The following USP5 variants were observed in gnomAD, a reference collection of about 807,000 sequenced individuals.
USP5 encodes ubiquitin carboxyl-terminal hydrolase 5.
Under a neutral mutation model 102.5 loss-of-function variants are expected in USP5, and 24 were observed. That is an observed-to-expected ratio of 0.23 (90% CI 0.17 to 0.33). The LOEUF (loss-of-function observed/expected upper bound fraction) is 0.33. USP5 is among the 10% of genes least tolerant of loss of function. The pLI is 1.00. For missense variants in USP5, 753 were observed against 1,122.1 expected (o/e 0.67, Z 4.70); for synonymous variants, 460 against 434.8 (o/e 1.06, Z -0.72).
Position 6,856,251 on chromosome 12 carries a change from G to A in USP5, c.439-54G>A, listed in dbSNP as rs782606734. 17 of 1,603,560 alleles carry A rather than the reference G, an allele frequency of 1.1e-5. No homozygotes were observed. The East Asian group carries it at 3.4e-4, about 32-fold the overall frequency. ...ACAAAGCTGAAGGCCAAGGGGAAGA[G>A]GGGCATGTGGGGCAGGGGGTTGGGT... On this transcript the variant is annotated intron_variant, in intron 4 of 19. Coordinates refer to ENST00000229268, the MANE Select transcript of USP5 (RefSeq NM_001098536.2). The surrounding 1 kb of genome is among the most constrained non-coding windows in gnomAD (Gnocchi z 5.6).
Position 6,861,158 on chromosome 12 carries a change from G to A in USP5, c.1498+52G>A, listed in dbSNP as rs782436984. 4 of 1,602,874 alleles carry A rather than the reference G, an allele frequency of 2.5e-6. No individual in the cohort carries two copies. In the South Asian group the frequency reaches 4.4e-5, roughly 18 times the overall value. ...GGCACGGTGGGAGGCTAAGGTCTAGGAGGAATGCTTGGGCACCTCATGGGA... is the reference window on the plus strand; with the variant it reads ...GGCACGGTGGGAGGCTAAGGTCTAGAAGGAATGCTTGGGCACCTCATGGGA... On this transcript the variant is annotated intron_variant, in intron 12 of 19. Coordinates refer to ENST00000229268, the MANE Select transcript of USP5 (RefSeq NM_001098536.2). The surrounding 1 kb of genome is among the most constrained non-coding windows in gnomAD (Gnocchi z 4.9).
rs1591608529 is a variant in USP5 at position 6,860,565 on chromosome 12, C to CT, written c.1344+75dup. The CT allele has an allele frequency of 3.8e-6, 6 of 1,596,980 alleles. No homozygotes were observed. The highest frequency in any genetic ancestry group is 5.1e-6 in the Non-Finnish European group (6 of 1,175,578). ...CTCTCCTTCCTGCCCATTTCTCCCT[C>CT]TATCAGCCCCAACCCAGTCCCATCC... On this transcript the variant is annotated intron_variant, in intron 11 of 19. Transcript: ENST00000229268. This position sits in a 1 kb window ranked among gnomAD's most constrained non-coding sequence, Gnocchi z 5.5.
intron 1 of USP5, 65 bp downstream of exon 1, chr12:6,852,355 G>T: frequency 6.7e-7 from 1 of 1,500,560 alleles, no homozygotes; most frequent in Non-Finnish European, 9.1e-7. Context: ...CATTCCGCTG[G>T]GGCCTGCAAG....
Position 6,864,224 on chromosome 12 carries a change from G to T in USP5, c.2244+29G>T. On this transcript the variant is annotated intron_variant, in intron 17 of 19. Coordinates refer to ENST00000229268, the MANE Select transcript of USP5 (RefSeq NM_001098536.2). The surrounding 1 kb of genome is among the most constrained non-coding windows in gnomAD (Gnocchi z 4.8). ...TGGGCTGCCCCAGCTAAGGACATGG[G>T]GCCAGTGGGGAAGAAGGGGGTGGGA... The T allele has an allele frequency of 6.4e-7, 1 of 1,560,498 alleles. No homozygotes were observed. The highest frequency in any genetic ancestry group is 8.7e-7 in the Non-Finnish European group (1 of 1,152,104).
In USP5 at chr12:6,855,510, G is replaced by A. The variant is rs782807103; in HGVS notation, c.221G>A (p.Arg74Gln). 13 of 1,614,004 alleles carry A rather than the reference G, an allele frequency of 8.1e-6. No homozygotes were observed. Among genetic ancestry groups the A allele is most frequent in the African/African-American group, 2.7e-5 (2 of 74,930 alleles). ...GGCCAGCGAGTCTACTTGCACCTCC[G>A]GCGGACCCGGCGCCCGGTAGGAGCA... ...KTGQRVYLHL[R>Q]RTRRPKEEDP... The change falls in exon 2 of 20, where the codon CGG (arginine) becomes CAG (glutamine). Residue 74 changes from arginine to glutamine, a missense_variant. This residue lies in a region of USP5 where 527 missense variants were observed against 816.5 expected (regional missense o/e 0.65). Transcript: ENST00000229268. This position sits in a 1 kb window ranked among gnomAD's most constrained non-coding sequence, Gnocchi z 4.6.
At position 6,863,789 on chromosome 12, in the gene USP5, G is replaced by A. The variant is rs1555130076; in HGVS notation, c.1955-41G>A. The A allele has an allele frequency of 6.6e-7, 1 of 1,523,032 alleles. No homozygotes were observed. 94.3% of individuals were successfully genotyped at this position (1,523,032 alleles called of 1,614,324 possible). ...GGGGAGGGAGGAGGAGCAAACAGTG[G>A]CCCAATCAGTCGGTCCGTGTACCCA... is the stretch of plus-strand genomic sequence containing the variant. On this transcript the variant is annotated intron_variant, in intron 15 of 19. Coordinates refer to ENST00000229268, the MANE Select transcript of USP5 (RefSeq NM_001098536.2). The surrounding 1 kb of genome is among the most constrained non-coding windows in gnomAD (Gnocchi z 4.7).
chr12:6,864,988 C>T lies in USP5; in HGVS notation c.2398+113C>T. On this transcript the variant is annotated intron_variant, in intron 18 of 19. Coordinates refer to ENST00000229268, the MANE Select transcript of USP5 (RefSeq NM_001098536.2). This position sits in a 1 kb window ranked among gnomAD's most constrained non-coding sequence, Gnocchi z 4.8. ...TCAGGAGTCAGGGGCTTCTTTCCAC[C>T]TCAACGTGGCATCTGAGGGTGGGGT... The T allele has an allele frequency of 6.9e-7, 1 of 1,443,638 alleles. No homozygotes were observed. Among genetic ancestry groups the T allele is most frequent in the Non-Finnish European group, 9.3e-7 (1 of 1,073,890 alleles). The allele number at this position is 1,443,638 out of a possible 1,614,324, so 89.4% of individuals were successfully genotyped here. A position where few individuals can be genotyped will look rare whatever the true frequency, so the allele number is the denominator to read the frequency against.
Position 6,863,725 on chromosome 12 carries a change from A to C in USP5, c.1955-105A>C, listed in dbSNP as rs1418261189. On this transcript the variant is annotated intron_variant, in intron 15 of 19. Coordinates refer to ENST00000229268, the MANE Select transcript of USP5 (RefSeq NM_001098536.2). The surrounding 1 kb of genome is among the most constrained non-coding windows in gnomAD (Gnocchi z 4.7). ...ATAAGGTGCCAATCCATGGGAGAAA[A>C]ATGCATGGAATGGGTGATTGGAAGA... 6.9e-7 allele frequency: 1 copy of C among 1,449,956 alleles called. No individual in the cohort carries two copies. 89.8% of individuals were successfully genotyped at this position (1,449,956 alleles called of 1,614,324 possible). A position where few individuals can be genotyped will look rare whatever the true frequency, so the allele number is the denominator to read the frequency against.
Position 6,865,158 on chromosome 12 carries a change from T to G in USP5, c.2399-6T>G, listed in dbSNP as rs1555130535. The G allele has an allele frequency of 6.2e-7, 1 of 1,611,320 alleles. No homozygotes were observed. The highest frequency in any genetic ancestry group is 1.3e-5 in the African/African-American group (1 of 74,876). Reference sequence around the variant, plus strand: ...TCCTTCTCTGACCCCCTCTCTCCTTTCCTAGAGTATCAGCTCTTTGCCTTC... The same window carrying G: ...TCCTTCTCTGACCCCCTCTCTCCTTGCCTAGAGTATCAGCTCTTTGCCTTC... On this transcript the variant is annotated splice_region_variant and splice_polypyrimidine_tract_variant and intron_variant, in intron 18 of 19. Transcript: ENST00000229268.
Position 6,864,603 on chromosome 12 carries a change from G to C in USP5, c.2245-119G>C. 3 of 1,141,046 alleles carry C rather than the reference G, an allele frequency of 2.6e-6. No homozygotes were observed. The highest frequency in any genetic ancestry group is 3.7e-6 in the Non-Finnish European group (3 of 810,188). The allele number at this position is 1,141,046 out of a possible 1,614,324, so 70.7% of individuals were successfully genotyped here. On this transcript the variant is annotated intron_variant, in intron 17 of 19. Coordinates refer to ENST00000229268, the MANE Select transcript of USP5 (RefSeq NM_001098536.2). The surrounding 1 kb of genome is among the most constrained non-coding windows in gnomAD (Gnocchi z 4.8). ...ACTTGGGAGGCTGAGGCAGGAGAAAGGCGTGAACCCGGGAGGCGGAGCTTG... is the reference window on the plus strand; with the variant it reads ...ACTTGGGAGGCTGAGGCAGGAGAAACGCGTGAACCCGGGAGGCGGAGCTTG...
Position 6,856,251 on chromosome 12 carries a change from G to C in USP5, c.439-54G>C. On this transcript the variant is annotated intron_variant, in intron 4 of 19. Coordinates refer to ENST00000229268, the MANE Select transcript of USP5 (RefSeq NM_001098536.2). The surrounding 1 kb of genome is among the most constrained non-coding windows in gnomAD (Gnocchi z 5.6). ...ACAAAGCTGAAGGCCAAGGGGAAGA[G>C]GGGCATGTGGGGCAGGGGGTTGGGT... The C allele has an allele frequency of 1.2e-6, 2 of 1,603,560 alleles. No individual in the cohort carries two copies. Among genetic ancestry groups the C allele is most frequent in the Non-Finnish European group, 1.7e-6 (2 of 1,173,568 alleles).
Position 6,856,499 on chromosome 12 carries a change from A to G in USP5, c.584+49A>G. On this transcript the variant is annotated intron_variant, in intron 5 of 19. Coordinates refer to ENST00000229268, the MANE Select transcript of USP5 (RefSeq NM_001098536.2). This position sits in a 1 kb window ranked among gnomAD's most constrained non-coding sequence, Gnocchi z 5.6. Reference sequence around the variant, plus strand: ...GGGCACCACCCCCAGAGCAAGGACAAGGAGCCCACTTTTCTGGGGGATCTG... The same window carrying G: ...GGGCACCACCCCCAGAGCAAGGACAGGGAGCCCACTTTTCTGGGGGATCTG... 1 of 1,571,726 alleles carries G rather than the reference A, an allele frequency of 6.4e-7. No homozygotes were observed. Among genetic ancestry groups the G allele is most frequent in the Non-Finnish European group, 8.6e-7 (1 of 1,159,150 alleles).
chr12:6,856,211 C>T lies in USP5; in HGVS notation c.438+61C>T, dbSNP rs1267328512. The T allele has an allele frequency of 1.2e-6, 2 of 1,609,104 alleles. No homozygotes were observed. Among genetic ancestry groups the T allele is most frequent in the Admixed American group, 3.3e-5 (2 of 59,858 alleles). On this transcript the variant is annotated intron_variant, in intron 4 of 19. Transcript: ENST00000229268. The surrounding 1 kb of genome is among the most constrained non-coding windows in gnomAD (Gnocchi z 5.6). The stretch of plus-strand genomic sequence containing the variant: ...GCAAGATGGGCCAGGGTAGTGGTGT[C>T]TTAGGCAAGCACTGACAAAGCTGAA...
chr12:6,864,809 C>T lies in USP5; in HGVS notation c.2332C>T (p.Arg778Cys), dbSNP rs979035218. 2.5e-6 allele frequency: 4 copies of T among 1,613,958 alleles called. No individual in the cohort carries two copies. Among genetic ancestry groups the T allele is most frequent in the Non-Finnish European group, 3.4e-6 (4 of 1,180,036 alleles). Residue 778 changes from arginine (R) to cysteine (C), a missense_variant, in exon 18 of 20, where the codon CGC becomes TGC. Transcript: ENST00000229268. The surrounding 1 kb of genome is among the most constrained non-coding windows in gnomAD (Gnocchi z 4.8). The part of the protein sequence containing the change: ...AEAAMDISEG[R>C]SAADSISESV... Reference sequence around the variant, plus strand: ...AGCTGCCATGGACATCTCAGAGGGCCGCTCAGCTGCCGACTCCATCTCTGA... The same window carrying T: ...AGCTGCCATGGACATCTCAGAGGGCTGCTCAGCTGCCGACTCCATCTCTGA...
In USP5 at chr12:6,856,108, C is replaced by T. The variant is rs1555128176; in HGVS notation, c.396C>T (p.Ala132=). Residue 132 remains alanine (A), a synonymous_variant, in exon 4 of 20, where the codon GCC becomes GCT. Coordinates refer to ENST00000229268, the MANE Select transcript of USP5 (RefSeq NM_001098536.2). The surrounding 1 kb of genome is among the most constrained non-coding windows in gnomAD (Gnocchi z 5.6). ...TTTTGCCAGATTACCTGGAGATTGC[C>T]CGGGATGGACTGGGGGGACTGCCTG... ...IVILPDYLEI[A]RDGLGGLPDI... The T allele has an allele frequency of 1.2e-6, 2 of 1,614,082 alleles. No homozygotes were observed. The highest frequency in any genetic ancestry group is 3.3e-4 in the Middle Eastern group (2 of 6,062).
chr12:6,857,546 G>A, intron 6 of USP5, 83 bp from the exon 7 acceptor site: 1 of 1,185,846 alleles, frequency 8.4e-7, no homozygotes, highest in South Asian at 1.3e-5. Context: ...GTCCCCTCAA[G>A]TCCCTTCTGT....
rs1555131064 is a variant in USP5, at chr12:6,866,596, C to CA, written c.*523dup. On this transcript the variant is annotated 3_prime_UTR_variant, in exon 20 of 20. Transcript: ENST00000229268. The surrounding 1 kb of genome is among the most constrained non-coding windows in gnomAD (Gnocchi z 4.7). ...TTCCTTGTCCTTCTCTGGAAAATGC[C>CA]AAAATACACGATGTGAATAAAAGTA... The CA allele has an allele frequency of 6.4e-6, 1 of 157,032 alleles. No homozygotes were observed. The highest frequency in any genetic ancestry group is 1.4e-5 in the Non-Finnish European group (1 of 70,448). 9.7% of individuals were successfully genotyped at this position (157,032 alleles called of 1,614,324 possible). A position where few individuals can be genotyped will look rare whatever the true frequency, so the allele number is the denominator to read the frequency against.
chr12:6,865,264 A>G lies in USP5; in HGVS notation c.2483+16A>G. 2 of 1,608,662 alleles carry G rather than the reference A, an allele frequency of 1.2e-6. No homozygotes were observed. Among genetic ancestry groups the G allele is most frequent in the Non-Finnish European group, 1.7e-6 (2 of 1,175,280 alleles). Reference sequence around the variant, plus strand: ...AAGAAGGCAGGTGAGTGCTGGCCACATGCGTTTTGAATGGAGAATGGTGGT... The same window carrying G: ...AAGAAGGCAGGTGAGTGCTGGCCACGTGCGTTTTGAATGGAGAATGGTGGT... On this transcript the variant is annotated intron_variant, in intron 19 of 19. Transcript: ENST00000229268.
At position 6,864,257 on chromosome 12, in the gene USP5, G is replaced by A. The variant is rs1555130258; in HGVS notation, c.2244+62G>A. 2.6e-6 allele frequency: 4 copies of A among 1,517,350 alleles called. No homozygotes were observed. Among genetic ancestry groups the A allele is most frequent in the Non-Finnish European group, 3.5e-6 (4 of 1,134,646 alleles). 94.0% of individuals were successfully genotyped at this position (1,517,350 alleles called of 1,614,324 possible). ...GGGAAGAAGGGGGTGGGAATGAGGG[G>A]CCATCCTTCTTGAGCAAGACCAAAG... On this transcript the variant is annotated intron_variant, in intron 17 of 19. Transcript: ENST00000229268. This position sits in a 1 kb window ranked among gnomAD's most constrained non-coding sequence, Gnocchi z 4.8.
Sources: allele counts gnomAD v4.1 joint callset, GRCh38; gene constraint gnomAD v4.1.1; regional missense constraint gnomAD v4.1.1; non-coding constraint Gnocchi (gnomAD v3.1); transcripts MANE v1.5; gene names NCBI Gene and HGNC (gene_info 2026-07-23, HGNC 2026-07-21).